The following RCE1 variants were observed in gnomAD, a reference collection of about 807,000 sequenced individuals.
The protein encoded by RCE1 is CAAX prenyl protease 2.
RCE1 carries 15 observed loss-of-function variants against 35.0 expected under a neutral mutation model. The ratio of observed to expected loss-of-function variants is 0.43; its 90% CI spans 0.29 to 0.66. The LOEUF is 0.66. Among genes scored for constraint, RCE1 ranks in the 30% least tolerant of loss-of-function variants. RCE1 has a pLI of 0.17. For missense variants in RCE1, 434 were observed against 433.0 expected (o/e 1.00, Z -0.02); for synonymous variants, 261 against 192.7 (o/e 1.35, Z -2.94).
In RCE1 at chr11:66,844,465, C is replaced by A. The variant is rs574265606; in HGVS notation, c.451+101C>A. ...GGTGTGATCTGGACACGTGAAATGTCATCTCTCTGGGTGTGTTTTCTCATC... is the reference window on the plus strand; with the variant it reads ...GGTGTGATCTGGACACGTGAAATGTAATCTCTCTGGGTGTGTTTTCTCATC... On this transcript the variant is annotated intron_variant, in intron 4 of 7. Coordinates refer to ENST00000309657, the MANE Select transcript of RCE1 (RefSeq NM_005133.3). 4 of 1,459,744 alleles carry A rather than the reference C, an allele frequency of 2.7e-6. No homozygotes were observed. The South Asian group carries it at 4.6e-5, about 17-fold the overall frequency. 90.4% of individuals were successfully genotyped at this position (1,459,744 alleles called of 1,614,324 possible). A position where few individuals can be genotyped will look rare whatever the true frequency, so the allele number is the denominator to read the frequency against.
At chr11:66,844,682 A>G (rs1945169252) in intron 4 of RCE1, 187 bp from the exon 5 acceptor site, 1 of 940,208 alleles carries the variant, frequency 1.1e-6, no homozygotes, top group African/African-American at 1.7e-5. Flanking sequence ...GCCTCAGCTA[A>G]TGCCTTCCAT....
intron 4 of RCE1, 91 bp from the exon 5 acceptor site, chr11:66,844,778 G>T: frequency 6.9e-7 from 1 of 1,448,418 alleles, no homozygotes. Flanking sequence ...TTTGGCCAGG[G>T]TAAAGTTGTG....
In RCE1 at chr11:66,843,463, C is replaced by T. The variant is rs1034979848; in HGVS notation, c.8C>T (p.Ala3Val). Residue 3 changes from alanine to valine, a missense_variant, in exon 1 of 8, where the codon GCG (alanine) becomes GTG (valine). Physicochemically the swap from Ala to Val is moderately conservative, Grantham distance 64. Coordinates refer to ENST00000309657, the MANE Select transcript of RCE1 (RefSeq NM_005133.3). The stretch of plus-strand genomic sequence containing the variant: ...GCCGCGGGTCAGGGCGCAATGGCGG[C>T]GCTGGGCGGGGATGGGCTGCGACTG... MA[A>V]LGGDGLRLLS... is the part of the protein sequence containing the mutation. 7.1e-6 allele frequency: 10 copies of T among 1,410,992 alleles called. No individual in the cohort carries two copies. The highest frequency in any genetic ancestry group is 1.5e-5 in the South Asian group (1 of 64,828). 87.4% of individuals were successfully genotyped at this position (1,410,992 alleles called of 1,614,324 possible). A position where few individuals can be genotyped will look rare whatever the true frequency, so the allele number is the denominator to read the frequency against.
chr11:66,844,293 T>C lies in RCE1; in HGVS notation c.380T>C (p.Phe127Ser). The C allele has an allele frequency of 6.2e-7, 1 of 1,614,150 alleles. No homozygotes were observed. Among genetic ancestry groups the C allele is most frequent in the Non-Finnish European group, 8.5e-7 (1 of 1,180,018 alleles). ...LLPLLLTMIL[F>S]LGPLMQLSMD... Reference sequence around the variant, plus strand: ...GTGTTTTCTTGCCCTCAGATTCTTTTCCTGGGCCCACTGATGCAGCTCTCT... The same window carrying C: ...GTGTTTTCTTGCCCTCAGATTCTTTCCCTGGGCCCACTGATGCAGCTCTCT... The change falls in exon 4 of 8, where the codon TTC becomes TCC. Residue 127 changes from phenylalanine to serine, a missense_variant. Coordinates refer to ENST00000309657, the MANE Select transcript of RCE1 (RefSeq NM_005133.3).
rs1945153808 is a variant in RCE1, at chr11:66,844,094, A to G, written c.372+55A>G. On this transcript the variant is annotated intron_variant, in intron 3 of 7. Coordinates refer to ENST00000309657, the MANE Select transcript of RCE1 (RefSeq NM_005133.3). ...GGTCTTTGTTATCAGCCTGATGGGC[A>G]GTGCCGTGGACTCTTGTTTTTGGTT... 5.6e-6 allele frequency: 9 copies of G among 1,613,088 alleles called. No individual in the cohort carries two copies. The Admixed American group carries it at 1.5e-4, about 27-fold the overall frequency.
chr11:66,845,705 TGA>T (rs1029353812), intron 7 of RCE1, 143 bp downstream of exon 7: 1 of 1,485,290 alleles, frequency 6.7e-7, no homozygotes, highest in South Asian at 1.2e-5. Flanking sequence ...TGGTGAGGTC[TGA>T]GAGGTGGAAA....
Position 66,843,623 on chromosome 11 carries a change from G to T in RCE1, c.168G>T (p.Trp56Cys), listed in dbSNP as rs768281122. 2.5e-6 allele frequency: 4 copies of T among 1,601,230 alleles called. No individual in the cohort carries two copies. The South Asian group carries it at 4.4e-5, about 18-fold the overall frequency. Reference protein sequence around the residue: ...ACSYVGSLYVWKSELPRDHPA... With the variant: ...ACSYVGSLYVCKSELPRDHPA... ...CCTACGTGGGCAGCCTCTACGTCTG[G>T]AAGAGCGAACTGCCCAGGTGCGGGG... is the stretch of plus-strand genomic sequence containing the variant. Residue 56 changes from tryptophan to cysteine, a missense_variant, in exon 1 of 8, where the codon TGG becomes TGT. Coordinates refer to ENST00000309657, the MANE Select transcript of RCE1 (RefSeq NM_005133.3).
chr11:66,843,791 C>T lies in RCE1; in HGVS notation c.218C>T (p.Thr73Ile). ...CCCGCGGTCATCAAGCGACGCTTCA[C>T]CAGCGTCCTGGTGGTGTCCAGTCTC... is the stretch of plus-strand genomic sequence containing the variant. ...DHPAVIKRRFTSVLVVSSLSP... is the reference protein window; with the variant it reads ...DHPAVIKRRFISVLVVSSLSP... Residue 73 changes from threonine to isoleucine, a missense_variant, in exon 2 of 8, where the codon ACC (threonine) becomes ATC (isoleucine). Coordinates refer to ENST00000309657, the MANE Select transcript of RCE1 (RefSeq NM_005133.3). 4 of 1,613,964 alleles carry T rather than the reference C, an allele frequency of 2.5e-6. No individual in the cohort carries two copies. Among genetic ancestry groups the T allele is most frequent in the Non-Finnish European group, 3.4e-6 (4 of 1,180,024 alleles).
rs1446383349 is a variant in RCE1 at position 66,846,018 on chromosome 11, C to T, written c.913C>T (p.Pro305Ser). 1 of 1,613,776 alleles carries T rather than the reference C, an allele frequency of 6.2e-7. No individual in the cohort carries two copies. The highest frequency in any genetic ancestry group is 8.5e-7 in the Non-Finnish European group (1 of 1,180,034). Residue 305 changes from proline (P) to serine (S), a missense_variant, in exon 8 of 8, where the codon CCC (proline) becomes TCC (serine). Coordinates refer to ENST00000309657, the MANE Select transcript of RCE1 (RefSeq NM_005133.3). The stretch of plus-strand genomic sequence containing the variant: ...GCTTCTGCTCCAGCCCCTCACGGAC[C>T]CCAAGCTCTACGGCAGCCTTCCCCT... ...FLLLLQPLTD[P>S]KLYGSLPLCV...
At chr11:66,844,433 G>A in intron 4 of RCE1, 69 bp downstream of exon 4, 1 of 1,581,224 alleles carries the variant, frequency 6.3e-7, no homozygotes, top group South Asian at 1.1e-5. Context: ...GGAGTCAGCG[G>A]GCTCAGGGTG....
In RCE1 at chr11:66,846,227, A is replaced by G. The variant is rs1293385173; in HGVS notation, c.*132A>G. The stretch of plus-strand genomic sequence containing the variant: ...TTTGTAGGGGATTGAAGCCAGAGCT[A>G]GTTGCGTCCCAGGGACCAAGAGAAA... On this transcript the variant is annotated 3_prime_UTR_variant, in exon 8 of 8. Transcript: ENST00000309657. 8.6e-7 allele frequency: 1 copy of G among 1,167,636 alleles called. No individual in the cohort carries two copies. The highest frequency in any genetic ancestry group is 1.2e-6 in the Non-Finnish European group (1 of 851,764). The allele number at this position is 1,167,636 out of a possible 1,614,324, so 72.3% of individuals were successfully genotyped here.
chr11:66,843,498 T>C lies in RCE1; in HGVS notation c.43T>C (p.Ser15Pro). The change falls in exon 1 of 8, where the codon TCG (serine) becomes CCG (proline). Residue 15 changes from serine to proline, a missense_variant. Coordinates refer to ENST00000309657, the MANE Select transcript of RCE1 (RefSeq NM_005133.3). ...GGDGLRLLSV[S>P]RPERPPESAA... ...GGATGGGCTGCGACTGCTGTCGGTG[T>C]CGCGGCCGGAGCGGCCGCCCGAGTC... The C allele has an allele frequency of 2.0e-6, 3 of 1,485,068 alleles. No homozygotes were observed. Among genetic ancestry groups the C allele is most frequent in the South Asian group, 2.5e-5 (2 of 78,938 alleles). The allele number at this position is 1,485,068 out of a possible 1,614,324, so 92.0% of individuals were successfully genotyped here. A position where few individuals can be genotyped will look rare whatever the true frequency, so the allele number is the denominator to read the frequency against.
At position 66,844,868 on chromosome 11, in the gene RCE1, G is replaced by GC; in HGVS notation, c.457dup (p.Arg153ProfsTer62). 2.6e-6 allele frequency: 4 copies of GC among 1,526,884 alleles called. No individual in the cohort carries two copies. The highest frequency in any genetic ancestry group is 1.8e-6 in the Non-Finnish European group (2 of 1,138,378). The allele number at this position is 1,526,884 out of a possible 1,614,324, so 94.6% of individuals were successfully genotyped here. ...CAGCTTGTCCTGAATTCCCTCTGCAGCCCCCCGCTCCTGGGCCCGCTGCCT... is the reference window on the plus strand; with the variant it reads ...CAGCTTGTCCTGAATTCCCTCTGCAGCCCCCCCGCTCCTGGGCCCGCTGCCT... On this transcript the variant is annotated frameshift_variant and splice_region_variant. Transcript: ENST00000309657. LOFTEE classifies it high-confidence loss of function.
chr11:66,844,157 A>G, intron 3 of RCE1, 118 bp downstream of exon 3: 2 of 1,589,158 alleles, frequency 1.3e-6, no homozygotes, highest in East Asian at 2.2e-5. Context: ...AGATGGCCCC[A>G]GGGTCCTCCG....
chr11:66,844,078 TATC>T (rs766126472), intron 3 of RCE1, 39 bp downstream of exon 3: 194 of 1,613,636 alleles, frequency 1.2e-4, no homozygotes, highest in Non-Finnish European at 1.6e-4. Context: ...TGGTCTTTGT[TATC>T]AGCCTGATGG....
intron 7 of RCE1, 44 bp downstream of exon 7, chr11:66,845,606 C>T (rs745802137): frequency 1.6e-5 from 25 of 1,612,252 alleles, no homozygotes; most frequent in Admixed American, 3.3e-5. Context: ...CCCACAGGAG[C>T]GGGTGGGAGA....
intron 7 of RCE1, 80 bp downstream of exon 7, chr11:66,845,642 CA>C: frequency 6.2e-7 from 1 of 1,601,910 alleles, no homozygotes; most frequent in African/African-American, 1.3e-5. Flanking sequence ...GTTCTAGGAA[CA>C]AAAGTTCTTC....
rs1489426549 is a variant in RCE1 at position 66,844,330 on chromosome 11, T to C, written c.417T>C (p.Pro139=). 1 of 1,614,136 alleles carries C rather than the reference T, an allele frequency of 6.2e-7. No individual in the cohort carries two copies. Among genetic ancestry groups the C allele is most frequent in the Non-Finnish European group, 8.5e-7 (1 of 1,180,018 alleles). ...TGATGCAGCTCTCTATGGATTGCCC[T>C]TGTGACCTGGCAGATGGGCTGAAGG... ...GPLMQLSMDC[P]CDLADGLKVV... Residue 139 remains proline (P), a synonymous_variant, in exon 4 of 8, where the codon CCT becomes CCC. Coordinates refer to ENST00000309657, the MANE Select transcript of RCE1 (RefSeq NM_005133.3).
At chr11:66,844,415 T>C in intron 4 of RCE1, 51 bp downstream of exon 4, 1 of 1,608,134 alleles carries the variant, frequency 6.2e-7, no homozygotes, top group Middle Eastern at 1.7e-4. Flanking sequence ...TCCAGGACAT[T>C]GGGGCAGGGA....
Sources: gnomAD v4.1 joint callset for allele counts on GRCh38, gnomAD v4.1.1 for gene constraint, MANE v1.5 for transcripts, NCBI Gene and HGNC (gene_info 2026-07-23, HGNC 2026-07-21) for gene names.